The following PCSK5 variants were observed in gnomAD, a reference collection of about 807,000 sequenced individuals.
PCSK5 encodes proprotein convertase subtilisin/kexin type 5.
A neutral mutation model predicts 233.2 loss-of-function variants in PCSK5; 129 were observed. The ratio of observed to expected loss-of-function variants is 0.55; its 90% CI spans 0.48 to 0.64. The LOEUF is 0.64. Among genes scored for constraint, PCSK5 ranks in the 30% least tolerant of loss-of-function variants. The pLI is 0.00. For synonymous variants in PCSK5, 825 were observed against 879.2 expected (o/e 0.94, Z 1.09); for missense variants, 2,076 against 2,430.1 (o/e 0.85, Z 3.06).
intron 16 of PCSK5, 75 bp from the exon 17 acceptor site, chr9:76,184,598 G>A (rs1239079290): frequency 1.1e-6 from 1 of 907,382 alleles, no homozygotes; most frequent in Non-Finnish European, 1.8e-6. Context: ...ACATTAGCAA[G>A]CATTAGAACA....
chr9:75,953,890 G>T (rs1431029021), intron 2 of PCSK5, among the ~76,000 whole-genome samples: 1 of 152,190 alleles, frequency 6.6e-6, no homozygotes, highest in Admixed American at 6.5e-5. Context: ...TTTTACTTAT[G>T]AGCCCCATTG....
intron 3 of PCSK5, among the ~76,000 whole-genome samples, chr9:76,012,378 C>T (rs893160965): frequency 1.3e-5 from 2 of 152,146 alleles, no homozygotes; most frequent in South Asian, 4.1e-4. Context: ...TCAGTCAAGC[C>T]TTCAAATGGC....
At chr9:76,176,082 A>C (rs1481872210) in intron 14 of PCSK5, among the ~76,000 whole-genome samples, 3 of 151,000 alleles carry the variant, frequency 2.0e-5, no homozygotes. Context: ...GATATTTTGC[A>C]GAAGTTTTAT....
intron 2 of PCSK5, among the ~76,000 whole-genome samples, chr9:75,941,804 C>G (rs1042104463): frequency 1.2e-4 from 18 of 152,126 alleles, no homozygotes; most frequent in African/African-American, 4.3e-4. Context: ...CCACTGTGTT[C>G]TCCACCTCCC....
chr9:75,930,487 C>G (rs796136584), intron 1 of PCSK5, among the ~76,000 whole-genome samples: 6 of 152,220 alleles, frequency 3.9e-5, no homozygotes, highest in African/African-American at 1.2e-4. Context: ...AAGTTTAATA[C>G]AATATTATTA....
chr9:75,962,241 G>A (rs1233472111), intron 2 of PCSK5, among the ~76,000 whole-genome samples: 2 of 152,150 alleles, frequency 1.3e-5, no homozygotes, highest in Non-Finnish European at 2.9e-5. Flanking sequence ...GGAGGCCTTT[G>A]ATGTGGGCTC....
intron 9 of PCSK5, among the ~76,000 whole-genome samples, chr9:76,121,336 A>T (rs371869101): frequency 1.3e-5 from 2 of 151,468 alleles, no homozygotes; most frequent in East Asian, 1.9e-4. Flanking sequence ...TATGAATCAG[A>T]TTTAGTTATT....
chr9:75,962,511 G>A (rs1360233877), intron 2 of PCSK5, among the ~76,000 whole-genome samples: 2 of 152,184 alleles, frequency 1.3e-5, no homozygotes, highest in Non-Finnish European at 2.9e-5. Context: ...CAAAACTGTT[G>A]CATTTTGACA....
At chr9:76,216,131 T>C (rs970816894) in intron 20 of PCSK5, among the ~76,000 whole-genome samples, 2 of 152,060 alleles carry the variant, frequency 1.3e-5, no homozygotes, top group Non-Finnish European at 2.9e-5. Flanking sequence ...GTCCTCTACA[T>C]GACTCCGCAG....
At chr9:76,327,488 G>A (rs1564183074) in intron 32 of PCSK5, among the ~76,000 whole-genome samples, 2 of 152,100 alleles carry the variant, frequency 1.3e-5, no homozygotes, top group Admixed American at 6.5e-5. Flanking sequence ...AATACTTATC[G>A]ATTCCTATTA....
chr9:76,316,946 CA>C (rs1020244623), intron 30 of PCSK5, among the ~76,000 whole-genome samples: 8 of 151,544 alleles, frequency 5.3e-5, no homozygotes, highest in African/African-American at 1.7e-4. Context: ...CTGTCATGGT[CA>C]AAAAAAAGCT....
intron 24 of PCSK5, among the ~76,000 whole-genome samples, chr9:76,263,786 AAAG>A (rs1827254848): frequency 6.6e-6 from 1 of 151,996 alleles, no homozygotes; most frequent in African/African-American, 2.4e-5. Flanking sequence ...AATAATAATA[AAAG>A]AAAAAAAAAA....
At chr9:76,131,377 T>C (rs1163133512) in intron 9 of PCSK5, among the ~76,000 whole-genome samples, 1 of 152,154 alleles carries the variant, frequency 6.6e-6, no homozygotes, top group Non-Finnish European at 1.5e-5. Context: ...TTTCAATTTA[T>C]CTTCTTTACT....
chr9:75,965,452 A>G (rs1410036122), intron 2 of PCSK5, among the ~76,000 whole-genome samples: 2 of 152,192 alleles, frequency 1.3e-5, no homozygotes, highest in Non-Finnish European at 2.9e-5. Context: ...CAGGGGAGCC[A>G]CTGATGGAAA....
At position 76,181,383 on chromosome 9, in the gene PCSK5, T is replaced by C. The variant is rs747553353; in HGVS notation, c.2004-15T>C. 1 of 1,605,262 alleles carries C rather than the reference T, an allele frequency of 6.2e-7. No homozygotes were observed. The highest frequency in any genetic ancestry group is 1.7e-5 in the Admixed American group (1 of 58,884). The stretch of plus-strand genomic sequence containing the variant: ...CTCATGACGCTGCCTTCTTTCTTAT[T>C]GTTTCACAATGCAGGATCTGTGTCT... On this transcript the variant is annotated splice_polypyrimidine_tract_variant and intron_variant, in intron 15 of 37. Transcript: ENST00000674117.
intron 24 of PCSK5, among the ~76,000 whole-genome samples, chr9:76,270,572 T>C (rs1827482520): frequency 6.6e-6 from 1 of 152,118 alleles, no homozygotes; most frequent in Non-Finnish European, 1.5e-5. Flanking sequence ...TGATTAAATA[T>C]CCTGGGGACC....
intron 2 of PCSK5, among the ~76,000 whole-genome samples, chr9:75,960,511 T>C (rs569215604): frequency 1.6e-4 from 24 of 152,244 alleles, no homozygotes; most frequent in South Asian, 4.2e-4. Flanking sequence ...AGAGGGAATG[T>C]GATCATGTGA....
chr9:76,281,753 A>T (rs1262321063), intron 24 of PCSK5, among the ~76,000 whole-genome samples: 3 of 152,166 alleles, frequency 2.0e-5, no homozygotes, highest in African/African-American at 7.2e-5. Context: ...GGCTCAAGCA[A>T]TTCTTCCACC....
chr9:75,995,165 A>G (rs1038432027), intron 3 of PCSK5, among the ~76,000 whole-genome samples: 29 of 152,266 alleles, frequency 1.9e-4, no homozygotes, highest in African/African-American at 6.7e-4. Context: ...TCCATTTGCT[A>G]TATCACCATG....
Sources: allele counts gnomAD v4.1 joint callset (sites outside exome capture counted in the v4.1 genomes callset), GRCh38; gene constraint gnomAD v4.1.1; transcripts MANE v1.5; gene names NCBI Gene and HGNC (gene_info 2026-07-23, HGNC 2026-07-21).